NIN: variants seen among roughly 807,000 people sequenced by gnomAD.
The protein encoded by NIN is ninein.
Under a neutral mutation model 257.6 loss-of-function variants are expected in NIN, and 137 were observed. The ratio of observed to expected loss-of-function variants is 0.53; its 90% CI spans 0.46 to 0.61. The LOEUF (loss-of-function observed/expected upper bound fraction) is 0.61. NIN is among the 20% of genes least tolerant of loss of function. NIN has a pLI of 0.00. For missense variants in NIN, 2,439 were observed against 2,501.2 expected, an observed-to-expected ratio of 0.98 and a Z score of 0.53; for synonymous variants, 918 against 919.8, an observed-to-expected ratio of 1.00 and a Z score of 0.04.
rs1252820909 is a variant in NIN, at chr14:50,765,647, G to A, written c.1635+660C>T. 5.3e-5 allele frequency among the ~76,000 whole-genome samples: 8 copies of A among 151,276 alleles called. No individual in the cohort carries two copies. In the East Asian group the frequency reaches 7.7e-4, roughly 15 times the overall value. On this transcript the variant is annotated intron_variant, in intron 14 of 30. Transcript: ENST00000530997. ...AAAAATGTTTCCATCTCTCCTGGCCGAAATTGGGAATGATTTACTAGCTAA... is the reference window on the plus strand; with the variant it reads ...AAAAATGTTTCCATCTCTCCTGGCCAAAATTGGGAATGATTTACTAGCTAA...
At chr14:50,748,257 TAAATG>T (rs1381635766) in intron 21 of NIN, 152 bp from the exon 22 acceptor site, 2 of 565,940 alleles carry the variant, frequency 3.5e-6, no homozygotes, top group Admixed American at 6.0e-5. Flanking sequence ...ACTTTCCACT[TAAATG>T]GCATGGAAAA....
chr14:50,795,418 G>A (rs1043286315), intron 4 of NIN, among the ~76,000 whole-genome samples: 4 of 152,204 alleles, frequency 2.6e-5, no homozygotes, highest in Non-Finnish European at 5.9e-5. Context: ...GCTAGGTTAA[G>A]CGCTGAAAAC....
At chr14:50,808,951 T>C (rs989338962) in intron 3 of NIN, among the ~76,000 whole-genome samples, 1 of 152,196 alleles carries the variant, frequency 6.6e-6, no homozygotes, top group African/African-American at 2.4e-5. Context: ...CCAGGCACAG[T>C]GGCTCACGCC....
intron 5 of NIN, among the ~76,000 whole-genome samples, chr14:50,786,427 G>A (rs577804260): frequency 4.6e-5 from 7 of 152,274 alleles, no homozygotes; most frequent in East Asian, 1.9e-4. Context: ...GACAATTCCC[G>A]CTGGGATCAA....
At chr14:50,769,039 A>G (rs1027210859) in intron 12 of NIN, among the ~76,000 whole-genome samples, 11 of 151,722 alleles carry the variant, frequency 7.3e-5, no homozygotes, top group Non-Finnish European at 1.5e-4. Flanking sequence ...ACGAAATGAA[A>G]CAGTTAGATG....
chr14:50,822,566 C>A (rs1366042669), intron 2 of NIN, among the ~76,000 whole-genome samples: 1 of 152,212 alleles, frequency 6.6e-6, no homozygotes, highest in African/African-American at 2.4e-5. Flanking sequence ...AGACAACCTG[C>A]CCCGATGGTG....
intron 14 of NIN, among the ~76,000 whole-genome samples, chr14:50,764,622 A>G (rs1182383961): frequency 1.3e-5 from 2 of 152,206 alleles, no homozygotes; most frequent in Non-Finnish European, 2.9e-5. Context: ...ATATCTACGC[A>G]ATGGAATATT....
At chr14:50,746,556 T>C (rs1161930349) in intron 22 of NIN, among the ~76,000 whole-genome samples, 1 of 152,340 alleles carries the variant, frequency 6.6e-6, no homozygotes, top group African/African-American at 2.4e-5. Context: ...ATAGACTCAA[T>C]GTTTCCACAT....
Position 50,725,747 on chromosome 14 carries a change from A to C in NIN, c.6192+206T>G, listed in dbSNP as rs2040383246. ...TTTAAATTGTGGACAAACATGCCTT[A>C]AACAGAGCTTTGGAAAAAATACAGA... On this transcript the variant is annotated intron_variant, in intron 30 of 30. Coordinates refer to ENST00000530997, the MANE Select transcript of NIN (RefSeq NM_020921.4). 2.3e-5 allele frequency: 19 copies of C among 829,148 alleles called. No individual in the cohort carries two copies. In the South Asian group the frequency reaches 3.4e-4, roughly 15 times the overall value. The allele number at this position is 829,148 out of a possible 1,614,324, so 51.4% of individuals were successfully genotyped here.
intron 5 of NIN, among the ~76,000 whole-genome samples, chr14:50,790,062 CT>C (rs879704756): frequency 1.3e-5 from 2 of 151,428 alleles, no homozygotes; most frequent in Non-Finnish European, 1.5e-5. Context: ...GAAGCTATTA[CT>C]TTTTTTTTGG....
At chr14:50,729,801 G>A in intron 28 of NIN, 78 bp from the exon 29 acceptor site, 2 of 1,123,762 alleles carry the variant, frequency 1.8e-6, no homozygotes, top group Middle Eastern at 3.0e-4. Flanking sequence ...CAGGCAGTGA[G>A]TAATGAAGAC....
intron 29 of NIN, chr14:50,727,362 A>G: frequency 1.0e-6 from 1 of 998,064 alleles, no homozygotes; most frequent in Non-Finnish European, 1.2e-6. Flanking sequence ...ACCTTTGGTT[A>G]AAAATAGTTA....
chr14:50,825,219 GTGAATTAT>G (rs1343553179), intron 2 of NIN, among the ~76,000 whole-genome samples: 1 of 152,198 alleles, frequency 6.6e-6, no homozygotes, highest in Non-Finnish European at 1.5e-5. Context: ...GAGGTAACAA[GTGAATTAT>G]CTACAGATCT....
intron 21 of NIN, 53 bp downstream of exon 21, chr14:50,752,465 T>A: frequency 7.5e-7 from 1 of 1,334,898 alleles, no homozygotes; most frequent in Non-Finnish European, 1.1e-6. Flanking sequence ...AAACATTTCT[T>A]CTATTTCTTG....
intron 21 of NIN, among the ~76,000 whole-genome samples, chr14:50,749,584 AATG>A (rs2041700465): frequency 6.6e-6 from 1 of 152,142 alleles, no homozygotes; most frequent in South Asian, 2.1e-4. Flanking sequence ...GTGTTTGCCT[AATG>A]ATGATTTTCT....
chr14:50,732,123 G>C (rs78685638), intron 28 of NIN, among the ~76,000 whole-genome samples: 6,070 of 152,226 alleles, frequency 0.04, 402 homozygotes, highest in African/African-American at 0.14. Flanking sequence ...AGTGATCTGT[G>C]ATCTTTAATT....
chr14:50,805,592 C>T (rs966723424), intron 4 of NIN, among the ~76,000 whole-genome samples: 2 of 152,192 alleles, frequency 1.3e-5, no homozygotes, highest in African/African-American at 4.8e-5. Context: ...GATCACCCGG[C>T]AAGGGTGAGA....
intron 15 of NIN, 113 bp downstream of exon 15, chr14:50,763,713 C>CTTTTTTTT (rs5808571): frequency 5.9e-6 from 4 of 675,910 alleles, no homozygotes; most frequent in East Asian, 3.0e-5. Flanking sequence ...TGGCCAAATT[C>CTTTTTTTT]TTTTTTTTTT....
chr14:50,751,768 T>C (rs2041799615), intron 21 of NIN, among the ~76,000 whole-genome samples: 1 of 152,074 alleles, frequency 6.6e-6, no homozygotes, highest in South Asian at 2.1e-4. Flanking sequence ...CTCAAGCTAT[T>C]CTCCTGCCTC....
Sources: allele counts gnomAD v4.1 joint callset (sites outside exome capture counted in the v4.1 genomes callset), GRCh38; gene constraint gnomAD v4.1.1; transcripts MANE v1.5; gene names NCBI Gene and HGNC (gene_info 2026-07-23, HGNC 2026-07-21).